ABCA7: variants seen among roughly 807,000 people sequenced by gnomAD.
ABCA7 encodes phospholipid-transporting ATPase ABCA7.
Under a neutral mutation model 227.6 loss-of-function variants are expected in ABCA7, and 261 were observed. That is an observed-to-expected ratio of 1.15 (90% CI 1.04 to 1.27). ABCA7 has a LOEUF of 1.27. Among genes scored for constraint, ABCA7 ranks in the 50% most tolerant of loss-of-function variants. The pLI is 0.00. For missense variants in ABCA7, 3,331 were observed against 2,924.5 expected (o/e 1.14, Z -3.21); for synonymous variants, 1,488 against 1,279.7 (o/e 1.16, Z -3.47).
rs1406596143 is a variant in ABCA7, at chr19:1,047,243, C to T, written c.1932C>T (p.Phe644=). 1 of 1,608,366 alleles carries T rather than the reference C, an allele frequency of 6.2e-7. No individual in the cohort carries two copies. Among genetic ancestry groups the T allele is most frequent in the Non-Finnish European group, 8.5e-7 (1 of 1,179,512 alleles). Residue 644 remains phenylalanine (F), a synonymous_variant, in exon 15 of 47, where the codon TTC becomes TTT. Coordinates refer to ENST00000263094, the MANE Select transcript of ABCA7 (RefSeq NM_019112.4). ...AFAVATVTQS[F]LLSAFFSRAN... ...CGGTGGCCACGGTGACCCAGAGCTT[C>T]CTGCTCAGCGCCTTCTTCTCCCGCG... is the stretch of plus-strand genomic sequence containing the variant.
Position 1,041,943 on chromosome 19 carries a change from C to T in ABCA7, c.273C>T (p.Pro91=), listed in dbSNP as rs754236507. ...CGCAGCTGACACCGGGCGAGGAGCC[C>T]GGGCGCCTGAGCAACTTCAACGACT... ...CFPQLTPGEE[P]GRLSNFNDSL... Residue 91 remains proline, a synonymous_variant, in exon 4 of 47, where the codon CCC becomes CCT. Transcript: ENST00000263094. 6 of 1,589,720 alleles carry T rather than the reference C, an allele frequency of 3.8e-6. No homozygotes were observed. Among genetic ancestry groups the T allele is most frequent in the East Asian group, 2.2e-5 (1 of 44,700 alleles).
rs771021175 is a variant in ABCA7, at chr19:1,045,016, C to G, written c.1230C>G (p.Asp410Glu). 6.2e-7 allele frequency: 1 copy of G among 1,612,700 alleles called. No individual in the cohort carries two copies. The highest frequency in any genetic ancestry group is 8.5e-7 in the Non-Finnish European group (1 of 1,179,940). The change falls in exon 12 of 47, where the codon GAC (aspartate) becomes GAG (glutamate). Residue 410 changes from aspartate to glutamate, a missense_variant. Asp to Glu is a conservative substitution (Grantham distance 45). Coordinates refer to ENST00000263094, the MANE Select transcript of ABCA7 (RefSeq NM_019112.4). ...GCATCCCACAGTGCCTGTCCTTGGA[C>G]AAGCTGGAGGCGGCACCCTCAGAGG... ...LGRVTECLSL[D>E]KLEAAPSEAA... is the part of the protein sequence containing the mutation.
Position 1,047,447 on chromosome 19 carries a change from C to G in ABCA7, c.2068-6C>G. On this transcript the variant is annotated splice_polypyrimidine_tract_variant and splice_region_variant and intron_variant, in intron 15 of 46. Coordinates refer to ENST00000263094, the MANE Select transcript of ABCA7 (RefSeq NM_019112.4). ...GGCCGCTCACTGACCGCCCGCTTTTCCGCAGAGCCTGCTGTCGCCCGTGGC... is the reference window on the plus strand; with the variant it reads ...GGCCGCTCACTGACCGCCCGCTTTTGCGCAGAGCCTGCTGTCGCCCGTGGC... 1 of 1,541,762 alleles carries G rather than the reference C, an allele frequency of 6.5e-7. No homozygotes were observed. The highest frequency in any genetic ancestry group is 8.7e-7 in the Non-Finnish European group (1 of 1,146,584).
In ABCA7 at chr19:1,042,396, C is replaced by T. The variant is rs775526158; in HGVS notation, c.497C>T (p.Thr166Met). ...VAELLTSLLR[T>M]ESLGLALGQA... is the part of the protein sequence containing the mutation. Reference sequence around the variant, plus strand: ...GAGCTGCTGACGTCACTGCTGCGCACGGTAGGGTGTCGGGGCGGGACCGCG... The same window carrying T: ...GAGCTGCTGACGTCACTGCTGCGCATGGTAGGGTGTCGGGGCGGGACCGCG... Residue 166 changes from threonine (T) to methionine (M), a missense_variant and splice_region_variant, in exon 6 of 47, where the codon ACG (threonine) becomes ATG (methionine). Physicochemically the swap from Thr to Met is moderately conservative, Grantham distance 81 (BLOSUM62 -1). Coordinates refer to ENST00000263094, the MANE Select transcript of ABCA7 (RefSeq NM_019112.4). 6.2e-7 allele frequency: 1 copy of T among 1,610,300 alleles called. No homozygotes were observed. The highest frequency in any genetic ancestry group is 8.5e-7 in the Non-Finnish European group (1 of 1,177,966).
chr19:1,058,384 C>G, intron 37 of ABCA7, 115 bp downstream of exon 37: 1 of 1,486,330 alleles, frequency 6.7e-7, no homozygotes. Context: ...AGCCAGGGTT[C>G]TTAGGTGGCC....
intron 21 of ABCA7, 28 bp downstream of exon 21, chr19:1,051,614 G>C (rs1402874123): frequency 1.3e-6 from 2 of 1,592,378 alleles, no homozygotes; most frequent in South Asian, 2.2e-5. Flanking sequence ...TGCTCGAGGG[G>C]CCAGAAAAGG....
intron 13 of ABCA7, among the ~76,000 whole-genome samples, 196 bp from the exon 14 acceptor site, chr19:1,046,606 G>A (rs113167986): frequency 8.9e-4 from 136 of 152,298 alleles, no homozygotes; most frequent in African/African-American, 3.0e-3. Flanking sequence ...GAGGGTCTGG[G>A]GGCCCCCGGC....
chr19:1,044,866 A>G (rs1337362855), intron 11 of ABCA7, 122 bp downstream of exon 11: 15 of 1,459,092 alleles, frequency 1.0e-5, no homozygotes, highest in African/African-American at 1.4e-5. Context: ...TGGGATTTGT[A>G]GAGATCTCAG....
chr19:1,055,467 C>G, intron 30 of ABCA7, 116 bp downstream of exon 30: 1 of 1,163,480 alleles, frequency 8.6e-7, no homozygotes, highest in Non-Finnish European at 1.2e-6. Flanking sequence ...CTTGGGGCTA[C>G]GGGCTGGGAG....
In ABCA7 at chr19:1,045,250, C is replaced by CGGGGGG; in HGVS notation, c.1445+20_1445+25dup. ...GGGACAGGTCAGGCGAGGGAGGGGG[C>CGGGGGG]GGGGGGATGAGGGACTGGGCGGGGC... On this transcript the variant is annotated intron_variant, in intron 12 of 46. Coordinates refer to ENST00000263094, the MANE Select transcript of ABCA7 (RefSeq NM_019112.4). 1.8e-6 allele frequency: 1 copy of CGGGGGG among 543,984 alleles called. No homozygotes were observed. Among genetic ancestry groups the CGGGGGG allele is most frequent in the Non-Finnish European group, 3.0e-6 (1 of 333,638 alleles). The allele number at this position is 543,984 out of a possible 1,614,324, so 33.7% of individuals were successfully genotyped here.
In ABCA7 at chr19:1,058,002, C is replaced by T. The variant is rs763114933; in HGVS notation, c.4968C>T (p.Leu1656=). ...TAYVVLTCIN[L]FIGINGSMAT... ...ATGTGGTGCTCACCTGCATAAACCTCTTTATTGGCATCAATGGAAGCATGG... is the reference window on the plus strand; with the variant it reads ...ATGTGGTGCTCACCTGCATAAACCTTTTTATTGGCATCAATGGAAGCATGG... The change falls in exon 36 of 47, where the codon CTC becomes CTT. Residue 1656 remains leucine, a synonymous_variant. Transcript: ENST00000263094. The T allele has an allele frequency of 1.2e-6, 2 of 1,613,974 alleles. No individual in the cohort carries two copies. The highest frequency in any genetic ancestry group is 8.5e-7 in the Non-Finnish European group (1 of 1,180,032).
chr19:1,043,965 T>C, intron 10 of ABCA7, 124 bp downstream of exon 10: 19 of 716,824 alleles, frequency 2.7e-5, no homozygotes, highest in Non-Finnish European at 3.8e-5. Flanking sequence ...TGAGATGGAG[T>C]CTCGCTCTGT....
At position 1,055,326 on chromosome 19, in the gene ABCA7, A is replaced by T. The variant is rs2042151054; in HGVS notation, c.4180A>T (p.Thr1394Ser). The T allele has an allele frequency of 1.3e-6, 2 of 1,597,100 alleles. No individual in the cohort carries two copies. Among genetic ancestry groups the T allele is most frequent in the East Asian group, 4.5e-5 (2 of 44,654 alleles). The change falls in exon 30 of 47, where the codon ACC (threonine) becomes TCC (serine). Residue 1394 changes from threonine (T) to serine (S), a missense_variant. Coordinates refer to ENST00000263094, the MANE Select transcript of ABCA7 (RefSeq NM_019112.4). Reference protein sequence around the residue: ...GRNLSDFLVKTYPRLVRQGLK... With the variant: ...GRNLSDFLVKSYPRLVRQGLK... ...GAACCTGTCTGACTTCCTGGTCAAGACCTACCCGCGCCTGGTGCGCCAGGG... is the reference window on the plus strand; with the variant it reads ...GAACCTGTCTGACTTCCTGGTCAAGTCCTACCCGCGCCTGGTGCGCCAGGG...
In ABCA7 at chr19:1,049,429, C is replaced by T. The variant is rs753930982; in HGVS notation, c.2544C>T (p.Thr848=). The change falls in exon 18 of 47, where the codon ACC becomes ACT. Residue 848 remains threonine (T), a synonymous_variant. Coordinates refer to ENST00000263094, the MANE Select transcript of ABCA7 (RefSeq NM_019112.4). ...AFLGHNGAGK[T]TTLSILSGLF... ...TGGGCCACAACGGGGCCGGCAAGAC[C>T]ACCACCCTGTGAGCCCCCAACCACT... The T allele has an allele frequency of 1.2e-6, 2 of 1,601,016 alleles. No homozygotes were observed. The highest frequency in any genetic ancestry group is 3.4e-5 in the Admixed American group (2 of 59,174).
Position 1,043,171 on chromosome 19 carries a change from C to A in ABCA7, c.710C>A (p.Ser237Tyr). Residue 237 changes from serine (S) to tyrosine (Y), a missense_variant, in exon 8 of 47, where the codon TCC becomes TAC. Transcript: ENST00000263094. ...VRGPSSTVGP[S>Y]LNWYEASDLM... Reference sequence around the variant, plus strand: ...GGACCTAGCAGCACAGTGGGCCCCTCCCTCAACTGGTACGAGGCTAGTGAC... The same window carrying A: ...GGACCTAGCAGCACAGTGGGCCCCTACCTCAACTGGTACGAGGCTAGTGAC... The A allele has an allele frequency of 6.2e-7, 1 of 1,611,206 alleles. No homozygotes were observed. Among genetic ancestry groups the A allele is most frequent in the Non-Finnish European group, 8.5e-7 (1 of 1,178,604 alleles).
Position 1,043,085 on chromosome 19 carries a change from G to C in ABCA7, c.624G>C (p.Gln208His), listed in dbSNP as rs767519891. 6.2e-7 allele frequency: 1 copy of C among 1,611,924 alleles called. No homozygotes were observed. The highest frequency in any genetic ancestry group is 8.5e-7 in the Non-Finnish European group (1 of 1,179,136). The change falls in exon 8 of 47, where the codon CAG becomes CAC. Residue 208 changes from glutamine to histidine, a missense_variant. By Grantham distance (24) the Gln-to-His change is conservative (BLOSUM62 0). Transcript: ENST00000263094. ...RSLVELRALL[Q>H]RPRGTSGPLE... is the part of the protein sequence containing the mutation. ...TGGTGGAGCTTCGGGCACTGCTGCA[G>C]AGACCCCGAGGGACCAGCGGCCCCC...
intron 23 of ABCA7, 136 bp from the exon 24 acceptor site, chr19:1,053,193 G>C: frequency 1.1e-6 from 1 of 900,804 alleles, no homozygotes; most frequent in Non-Finnish European, 1.7e-6. Context: ...GCGCCCGGCC[G>C]CACCTGGCCT....
rs139415355 is a variant in ABCA7, at chr19:1,051,000, G to A, written c.2632G>A (p.Ala878Thr). ...CCACGACGTCCGCTCCAGCATGGCC[G>A]CCATCCGGCCCCACCTGGGCGTCTG... ...LGHDVRSSMA[A>T]IRPHLGVCPQ... Residue 878 changes from alanine to threonine, a missense_variant, in exon 19 of 47, where the codon GCC becomes ACC. Physicochemically the swap from Ala to Thr is moderately conservative, Grantham distance 58 (BLOSUM62 0). Coordinates refer to ENST00000263094, the MANE Select transcript of ABCA7 (RefSeq NM_019112.4). The A allele has an allele frequency of 5.4e-5, 87 of 1,612,050 alleles. No homozygotes were observed. Among genetic ancestry groups the A allele is most frequent in the Admixed American group, 1.0e-4 (6 of 59,938 alleles).
intron 23 of ABCA7, 97 bp from the exon 24 acceptor site, chr19:1,053,232 G>A (rs753435350): frequency 6.2e-6 from 8 of 1,298,828 alleles, no homozygotes; most frequent in South Asian, 2.8e-5. Flanking sequence ...TCTGTCTGCC[G>A]GGACAGTCCC....
Sources: allele counts gnomAD v4.1 joint callset (sites outside exome capture counted in the v4.1 genomes callset), GRCh38; gene constraint gnomAD v4.1.1; transcripts MANE v1.5; gene names NCBI Gene and HGNC (gene_info 2026-07-23, HGNC 2026-07-21).